The following SSH2 variants were observed in gnomAD, a reference collection of about 807,000 sequenced individuals.
SSH2 encodes the protein slingshot protein phosphatase 2.
Under a neutral mutation model 135.2 loss-of-function variants are expected in SSH2, and 37 were observed. The observed-to-expected ratio is 0.27, with a 90% CI of 0.21 to 0.36. The LOEUF is 0.36. Among genes scored for constraint, SSH2 ranks in the 10% least tolerant of loss-of-function variants. The pLI is 1.00. For missense variants in SSH2, 1,408 were observed against 1,765.3 expected (o/e 0.80, Z 3.63); for synonymous variants, 628 against 646.2 (o/e 0.97, Z 0.43).
intron 5 of SSH2, among the ~76,000 whole-genome samples, chr17:29,687,186 A>G (rs956950067): frequency 6.6e-6 from 1 of 152,166 alleles, no homozygotes; most frequent in African/African-American, 2.4e-5. Flanking sequence ...GGCCAGGCCA[A>G]GGGAAAAAGA....
chr17:29,918,916 G>A (rs1415372496), intron 1 of SSH2, among the ~76,000 whole-genome samples: 5 of 151,732 alleles, frequency 3.3e-5, no homozygotes, highest in South Asian at 2.1e-4. Flanking sequence ...CAGCCTGAGC[G>A]ACAGAACGAG....
intron 2 of SSH2, among the ~76,000 whole-genome samples, chr17:29,819,183 G>A (rs1421419296): frequency 2.0e-5 from 3 of 151,600 alleles, no homozygotes; most frequent in Non-Finnish European, 2.9e-5. Flanking sequence ...CCAAGATCGC[G>A]CCATTGAAAA....
At chr17:29,666,576 G>C (rs915650293) in intron 11 of SSH2, among the ~76,000 whole-genome samples, 2 of 151,888 alleles carry the variant, frequency 1.3e-5, no homozygotes, top group Non-Finnish European at 2.9e-5. Flanking sequence ...CCAGCTACTC[G>C]GGAGGCTGAG....
chr17:29,884,856 G>C (rs1361488429), intron 1 of SSH2, among the ~76,000 whole-genome samples: 1 of 152,084 alleles, frequency 6.6e-6, no homozygotes, highest in Non-Finnish European at 1.5e-5. Flanking sequence ...CTTGGCAACT[G>C]CAACAATCCA....
intron 2 of SSH2, chr17:29,839,232 G>T (rs1300873920): frequency 6.6e-6 from 1 of 152,424 alleles, no homozygotes; most frequent in Non-Finnish European, 1.5e-5. Flanking sequence ...ACAGTGGCTG[G>T]ACCCTTGCTT....
chr17:29,866,087 A>T (rs1270966731), intron 1 of SSH2: 1 of 145,102 alleles, frequency 6.9e-6, no homozygotes, highest in African/African-American at 2.6e-5. Context: ...TGGGTGGCAG[A>T]GTGAAACTCC....
In SSH2 at chr17:29,929,832, T is replaced by G; in HGVS notation, c.63+106A>C. 4 of 1,103,196 alleles carry G rather than the reference T, an allele frequency of 3.6e-6. No homozygotes were observed. The South Asian group carries it at 5.7e-5, about 16-fold the overall frequency. 68.3% of individuals were successfully genotyped at this position (1,103,196 alleles called of 1,614,324 possible). Reference sequence around the variant, plus strand: ...TTCGCGGCAGCCGAGTGCCAAGGCCTGGGAAGCGGCGCGGCGCGTGCGCAG... The same window carrying G: ...TTCGCGGCAGCCGAGTGCCAAGGCCGGGGAAGCGGCGCGGCGCGTGCGCAG... On this transcript the variant is annotated intron_variant, in intron 1 of 15. Coordinates refer to ENST00000540801, the MANE Select transcript of SSH2 (RefSeq NM_001282129.2).
chr17:29,907,818 CTTTT>C (rs201612892), intron 1 of SSH2, among the ~76,000 whole-genome samples: 13 of 132,000 alleles, frequency 9.8e-5, no homozygotes, highest in Admixed American at 2.3e-4. Flanking sequence ...CTGACAAAAC[CTTTT>C]TTTTTTTTTT....
At chr17:29,807,119 TA>T (rs2042359883) in intron 2 of SSH2, among the ~76,000 whole-genome samples, 1 of 152,148 alleles carries the variant, frequency 6.6e-6, no homozygotes, top group African/African-American at 2.4e-5. Context: ...TATCTAGAAA[TA>T]AGGACGAAGA....
chr17:29,895,273 A>G (rs1376392101), intron 1 of SSH2, among the ~76,000 whole-genome samples: 5 of 128,424 alleles, frequency 3.9e-5, no homozygotes, highest in East Asian at 2.2e-4. Flanking sequence ...TGAAATATAT[A>G]AAATATATTT....
intron 1 of SSH2, among the ~76,000 whole-genome samples, chr17:29,913,362 A>G (rs1442668275): frequency 1.1e-5 from 1 of 91,408 alleles, no homozygotes; most frequent in South Asian, 4.3e-4. Context: ...ATATATATAT[A>G]TATATATATA....
At chr17:29,755,922 A>C (rs1415085204) in intron 3 of SSH2, among the ~76,000 whole-genome samples, 1 of 147,826 alleles carries the variant, frequency 6.8e-6, no homozygotes, top group Non-Finnish European at 1.5e-5. Context: ...CGGCCTCCCA[A>C]AGTGCTGGGA....
rs192580665 is a variant in SSH2 at position 29,631,684 on chromosome 17, G to T, written c.3510C>A (p.Phe1170Leu). ...HPQTMVHLEGFTEQSSTTDEP... is the reference protein window; with the variant it reads ...HPQTMVHLEGLTEQSSTTDEP... ...CATCTGTAGTGCTGCTCTGCTCTGT[G>T]AAGCCCTCCAGGTGAACCATAGTCT... The change falls in exon 16 of 16, where the codon TTC (phenylalanine) becomes TTA (leucine). Residue 1170 changes from phenylalanine to leucine, a missense_variant. Phe to Leu is a conservative substitution (Grantham distance 22, BLOSUM62 0). This residue lies in a region of SSH2 where 1,080 missense variants were observed against 1,144.5 expected (regional missense o/e 0.94). Transcript: ENST00000540801. The T allele has an allele frequency of 2.5e-6, 4 of 1,614,186 alleles. No homozygotes were observed. The highest frequency in any genetic ancestry group is 8.5e-7 in the Non-Finnish European group (1 of 1,180,036).
chr17:29,684,445 C>G (rs796936016), intron 6 of SSH2, 118 bp downstream of exon 6: 1 of 986,376 alleles, frequency 1.0e-6, no homozygotes, highest in East Asian at 2.8e-5. Flanking sequence ...CCACTGCACT[C>G]TAGTCTGGGC....
chr17:29,796,801 T>G (rs2042163668), intron 2 of SSH2, among the ~76,000 whole-genome samples: 1 of 152,076 alleles, frequency 6.6e-6, no homozygotes, highest in East Asian at 1.9e-4. Context: ...TTATAGTTTT[T>G]TCCTTTCTTT....
intron 6 of SSH2, among the ~76,000 whole-genome samples, chr17:29,683,782 A>G (rs888874824): frequency 3.3e-5 from 5 of 151,956 alleles, no homozygotes; most frequent in Admixed American, 3.3e-4. Flanking sequence ...GGAAAAAAAA[A>G]AAAAAAAGAC....
At chr17:29,748,108 T>G (rs2040820431) in intron 3 of SSH2, among the ~76,000 whole-genome samples, 1 of 152,216 alleles carries the variant, frequency 6.6e-6, no homozygotes, top group South Asian at 2.1e-4. Context: ...CTGTTCATCT[T>G]CATTGTGCAG....
At position 29,784,364 on chromosome 17, in the gene SSH2, G is replaced by A. The variant is rs28415385; in HGVS notation, c.188+9530C>T. ...TGTGCCATTGCATTCCACCCTGGGC[G>A]ACAGACCAAGATTCCATCTCAAAAA... On this transcript the variant is annotated intron_variant, in intron 3 of 15. Coordinates refer to ENST00000540801, the MANE Select transcript of SSH2 (RefSeq NM_001282129.2). Among the ~76,000 whole-genome samples the A allele has an allele frequency of 6.8e-3, 992 of 146,204 alleles. 6 individuals carry two copies. The highest frequency in any genetic ancestry group is 0.025 in the African/African-American group (950 of 38,496).
chr17:29,889,206 G>C (rs556806722), intron 1 of SSH2, among the ~76,000 whole-genome samples: 2 of 152,138 alleles, frequency 1.3e-5, no homozygotes, highest in Admixed American at 6.6e-5. Flanking sequence ...CAGCACTTTG[G>C]GGGGCCAAGG....
Sources: allele counts gnomAD v4.1 joint callset (sites outside exome capture counted in the v4.1 genomes callset), GRCh38; gene constraint gnomAD v4.1.1; regional missense constraint gnomAD v4.1.1; transcripts MANE v1.5; gene names NCBI Gene and HGNC (gene_info 2026-07-23, HGNC 2026-07-21).